The following SLC14A2 variants were observed in gnomAD, a reference collection of about 807,000 sequenced individuals.
SLC14A2 encodes urea transporter 2.
In SLC14A2, 91 loss-of-function variants were observed where a neutral mutation model predicts 104.6. That is an observed-to-expected ratio of 0.87 (90% CI 0.73 to 1.04). The LOEUF (loss-of-function observed/expected upper bound fraction) is 1.04, where lower values mean the gene tolerates loss of function less well. Ranked by LOEUF, SLC14A2 falls within the 50% of genes least tolerant of loss-of-function variation. The pLI, the probability that SLC14A2 is intolerant of heterozygous loss-of-function variation, is 0.00. For synonymous variants in SLC14A2, 476 were observed against 466.4 expected, an observed-to-expected ratio of 1.02 and a Z score of -0.27; for missense variants, 1,189 against 1,156.0, an observed-to-expected ratio of 1.03 and a Z score of -0.41.
intron 1 of SLC14A2, among the ~76,000 whole-genome samples, chr18:45,337,836 C>T (rs2085351262): frequency 6.6e-6 from 1 of 152,072 alleles, no homozygotes; most frequent in Admixed American, 6.6e-5. Flanking sequence ...TTGAAATGGC[C>T]CTGCAAAGCC....
intron 1 of SLC14A2, among the ~76,000 whole-genome samples, chr18:45,351,110 T>C (rs1205920792): frequency 6.6e-6 from 1 of 152,190 alleles, no homozygotes; most frequent in Non-Finnish European, 1.5e-5. Context: ...TTCCTGTGCT[T>C]TCTGATGATG....
chr18:45,223,085 T>C (rs939509284), intron 1 of SLC14A2, among the ~76,000 whole-genome samples: 2 of 152,192 alleles, frequency 1.3e-5, no homozygotes, highest in African/African-American at 4.8e-5. Flanking sequence ...GCTAAGGCAT[T>C]ATAGTTATTA....
intron 2 of SLC14A2, among the ~76,000 whole-genome samples, chr18:45,485,787 GT>G (rs769069955): frequency 2.0e-5 from 3 of 152,018 alleles, no homozygotes; most frequent in Non-Finnish European, 4.4e-5. Flanking sequence ...GTGGCTCTAG[GT>G]TTGCAGTGTA....
intron 1 of SLC14A2, among the ~76,000 whole-genome samples, chr18:45,267,471 G>A (rs370528306): frequency 5.1e-4 from 77 of 152,218 alleles, no homozygotes; most frequent in African/African-American, 1.8e-3. Flanking sequence ...CCATTGTTGG[G>A]GAAACTGGAT....
chr18:45,517,923 A>T (rs1389978382), intron 2 of SLC14A2, among the ~76,000 whole-genome samples: 3 of 152,230 alleles, frequency 2.0e-5, no homozygotes, highest in Non-Finnish European at 4.4e-5. Flanking sequence ...ATATAAGAAT[A>T]AGGTGCTTAT....
intron 1 of SLC14A2, among the ~76,000 whole-genome samples, chr18:45,214,734 G>T (rs2083992547): frequency 2.0e-5 from 3 of 151,862 alleles, no homozygotes; most frequent in Non-Finnish European, 4.4e-5. Flanking sequence ...CACTTTTCCA[G>T]TATTATGTTT....
intron 1 of SLC14A2, among the ~76,000 whole-genome samples, chr18:45,441,106 G>A (rs929394064): frequency 6.6e-5 from 10 of 152,006 alleles, no homozygotes; most frequent in Non-Finnish European, 1.2e-4. Flanking sequence ...CCCTTCCCTC[G>A]GACAGCCATG....
At chr18:45,350,286 A>G (rs1285549357) in intron 1 of SLC14A2, among the ~76,000 whole-genome samples, 1 of 152,238 alleles carries the variant, frequency 6.6e-6, no homozygotes, top group African/African-American at 2.4e-5. Flanking sequence ...ACAATGCATT[A>G]CTAACATACA....
intron 2 of SLC14A2, chr18:45,492,009 G>T (rs1464953001): frequency 6.6e-6 from 1 of 152,236 alleles, no homozygotes. Context: ...TGGTGGCTCT[G>T]CCACATCCCC....
chr18:45,357,597 G>C (rs2085568408), intron 1 of SLC14A2, among the ~76,000 whole-genome samples: 1 of 152,088 alleles, frequency 6.6e-6, no homozygotes, highest in African/African-American at 2.4e-5. Flanking sequence ...AAAGAAATAA[G>C]AAGAAGGAAG....
At chr18:45,413,793 T>C (rs2086239787) in intron 1 of SLC14A2, among the ~76,000 whole-genome samples, 1 of 152,188 alleles carries the variant, frequency 6.6e-6, no homozygotes, top group African/African-American at 2.4e-5. Context: ...TGTATGACTT[T>C]AGGAAAAGTA....
At chr18:45,571,135 C>T (rs2044339662) in intron 2 of SLC14A2, among the ~76,000 whole-genome samples, 1 of 152,172 alleles carries the variant, frequency 6.6e-6, no homozygotes, top group Non-Finnish European at 1.5e-5. Context: ...TGATTAACTC[C>T]CCTTTAAGGA....
At chr18:45,611,770 T>C (rs141255451), upstream of SLC14A2, among the ~76,000 whole-genome samples, 566 of 152,238 alleles carry the variant, frequency 3.7e-3, no homozygotes, top group Non-Finnish European at 5.6e-3. Context: ...GTGTGGCCCA[T>C]GAAGCAGGTA....
intron 2 of SLC14A2, among the ~76,000 whole-genome samples, chr18:45,509,550 C>A (rs1481259266): frequency 6.6e-6 from 1 of 152,080 alleles, no homozygotes; most frequent in Non-Finnish European, 1.5e-5. Flanking sequence ...CAGAAAAGCC[C>A]AGATATGGTT....
intron 2 of SLC14A2, among the ~76,000 whole-genome samples, chr18:45,483,777 T>C (rs1015826111): frequency 7.2e-5 from 11 of 152,194 alleles, no homozygotes; most frequent in Non-Finnish European, 1.3e-4. Context: ...CCTAGCAATA[T>C]AAAGTTTATC....
chr18:45,238,650 G>A (rs2084280649), intron 1 of SLC14A2, among the ~76,000 whole-genome samples: 3 of 152,194 alleles, frequency 2.0e-5, no homozygotes, highest in Admixed American at 1.3e-4. Context: ...TATTATGCAT[G>A]TAGATAAATA....
intron 1 of SLC14A2, among the ~76,000 whole-genome samples, chr18:45,461,374 T>C (rs1016614937): frequency 6.6e-6 from 1 of 152,190 alleles, no homozygotes; most frequent in Non-Finnish European, 1.5e-5. Flanking sequence ...TTGGGTGTAA[T>C]TGAGCAATTA....
intron 4 of SLC14A2, among the ~76,000 whole-genome samples, chr18:45,631,510 C>T (rs2045345338): frequency 6.6e-6 from 1 of 152,266 alleles, no homozygotes; most frequent in Non-Finnish European, 1.5e-5. Flanking sequence ...GATACTACCA[C>T]ACTTCTGGGC....
intron 1 of SLC14A2, among the ~76,000 whole-genome samples, chr18:45,305,246 C>G (rs1161200951): frequency 1.3e-5 from 2 of 152,220 alleles, no homozygotes; most frequent in Admixed American, 1.3e-4. Flanking sequence ...AGGAAGCAGT[C>G]TGAGGTCCCT....
Sources: allele counts gnomAD v4.1 joint callset (sites outside exome capture counted in the v4.1 genomes callset), GRCh38; gene constraint gnomAD v4.1.1; transcripts MANE v1.5; gene names NCBI Gene and HGNC (gene_info 2026-07-23, HGNC 2026-07-21).